Variants in STIM2 observed in about 807,000 individuals in gnomAD.
The protein encoded by STIM2 is stromal interaction molecule 2.
A neutral mutation model predicts 85.8 loss-of-function variants in STIM2; 31 were observed. The observed-to-expected ratio is 0.36, with a 90% CI of 0.27 to 0.49. The LOEUF is 0.49. Among genes scored for constraint, STIM2 ranks in the 20% least tolerant of loss-of-function variants. The pLI, the probability that STIM2 is intolerant of heterozygous loss-of-function variation, is 0.98. For synonymous variants in STIM2, 356 were observed against 331.1 expected (o/e 1.08, Z -0.82); for missense variants, 841 against 927.6 (o/e 0.91, Z 1.21).
At chr4:26,991,215 TGTG>T (rs1727754411) in intron 3 of STIM2, among the ~76,000 whole-genome samples, 1 of 152,050 alleles carries the variant, frequency 6.6e-6, no homozygotes, top group Admixed American at 6.6e-5. Flanking sequence ...ATAAAGAAAA[TGTG>T]GTATGTATAC....
chr4:26,868,479 A>G (rs1722486762), intron 1 of STIM2, among the ~76,000 whole-genome samples: 1 of 152,220 alleles, frequency 6.6e-6, no homozygotes, highest in Non-Finnish European at 1.5e-5. Context: ...TGAAATGAAT[A>G]TCTCATTTAT....
chr4:26,939,432 C>G (rs1725517245), intron 2 of STIM2, among the ~76,000 whole-genome samples: 1 of 152,066 alleles, frequency 6.6e-6, no homozygotes. Context: ...TTTGTACCAC[C>G]CCACTGGCCT....
intron 10 of STIM2, among the ~76,000 whole-genome samples, chr4:27,011,808 G>C (rs1728566808): frequency 6.6e-6 from 1 of 152,076 alleles, no homozygotes; most frequent in South Asian, 2.1e-4. Context: ...TACTGATGTG[G>C]AAGTGTTCTT....
intron 2 of STIM2, among the ~76,000 whole-genome samples, chr4:26,931,311 A>G (rs1242663616): frequency 2.0e-5 from 3 of 152,140 alleles, no homozygotes; most frequent in African/African-American, 7.2e-5. Flanking sequence ...GGTCCAGCCA[A>G]CCATCACGGG....
chr4:26,960,288 G>A (rs1726397451), intron 3 of STIM2, among the ~76,000 whole-genome samples: 1 of 152,064 alleles, frequency 6.6e-6, no homozygotes, highest in Non-Finnish European at 1.5e-5. Context: ...TGTAATTCAA[G>A]GTTGTTTACT....
chr4:26,880,598 T>C (rs1722966286), intron 1 of STIM2, among the ~76,000 whole-genome samples: 1 of 78,188 alleles, frequency 1.3e-5, no homozygotes, highest in Admixed American at 1.3e-4. Flanking sequence ...TGCATAAACC[T>C]TCATATATAT....
At chr4:26,968,708 G>A (rs1413879029) in intron 3 of STIM2, among the ~76,000 whole-genome samples, 6 of 152,090 alleles carry the variant, frequency 3.9e-5, no homozygotes, top group Non-Finnish European at 8.8e-5. Context: ...CCACAATGAA[G>A]GATTTAAGAG....
rs765290221 is a variant in STIM2, at chr4:26,861,138, G to T, written c.-81G>T. ...CGGGGCGCCGCTGCGCTTTCACCCG[G>T]CTTCTCCTCGGCGCCTTCATCCCGC... On this transcript the variant is annotated 5_prime_UTR_variant, in exon 1 of 12. Coordinates refer to ENST00000467087, the MANE Select transcript of STIM2 (RefSeq NM_020860.4). 1 of 1,272,318 alleles carries T rather than the reference G, an allele frequency of 7.9e-7. No homozygotes were observed. Among genetic ancestry groups the T allele is most frequent in the Non-Finnish European group, 9.9e-7 (1 of 1,008,818 alleles). The allele number at this position is 1,272,318 out of a possible 1,614,324, so 78.8% of individuals were successfully genotyped here. A position where few individuals can be genotyped will look rare whatever the true frequency, so the allele number is the denominator to read the frequency against.
intron 1 of STIM2, among the ~76,000 whole-genome samples, chr4:26,888,150 G>T (rs1305331208): frequency 6.6e-6 from 1 of 152,146 alleles, no homozygotes; most frequent in East Asian, 1.9e-4. Flanking sequence ...TTGAATAACT[G>T]GATACTATAG....
intron 1 of STIM2, among the ~76,000 whole-genome samples, chr4:26,869,280 C>T (rs1051044511): frequency 6.9e-5 from 8 of 115,826 alleles, no homozygotes; most frequent in Non-Finnish European, 1.3e-4. Flanking sequence ...GCCTGGACGG[C>T]GGAGTGAGAC....
intron 1 of STIM2, among the ~76,000 whole-genome samples, chr4:26,901,819 A>T (rs1013815206): frequency 5.9e-5 from 9 of 152,264 alleles, no homozygotes; most frequent in Middle Eastern, 6.8e-3. Flanking sequence ...GGTCTTTGTG[A>T]AATTCTTCTT....
At chr4:27,005,026 G>A (rs546727079) in intron 7 of STIM2, among the ~76,000 whole-genome samples, 22 of 152,232 alleles carry the variant, frequency 1.4e-4, no homozygotes, top group African/African-American at 4.6e-4. Context: ...AAGGTTTTGC[G>A]TGTCATATTC....
chr4:26,994,570 C>T (rs1286812046), intron 3 of STIM2, among the ~76,000 whole-genome samples: 2 of 152,066 alleles, frequency 1.3e-5, no homozygotes, highest in African/African-American at 2.4e-5. Flanking sequence ...CATGAACAAT[C>T]TATTCTCCAC....
intron 3 of STIM2, among the ~76,000 whole-genome samples, chr4:26,977,528 A>G (rs1727243700): frequency 6.6e-6 from 1 of 152,116 alleles, no homozygotes; most frequent in Admixed American, 6.6e-5. Flanking sequence ...CTTCGCGTGA[A>G]CTGGTGAGAG....
chr4:26,948,669 A>G (rs1458021184), intron 2 of STIM2, among the ~76,000 whole-genome samples: 1 of 152,200 alleles, frequency 6.6e-6, no homozygotes, highest in African/African-American at 2.4e-5. Context: ...GTTTTCCACT[A>G]AAATTGCTTA....
At chr4:26,936,719 C>A (rs1367131571) in intron 2 of STIM2, among the ~76,000 whole-genome samples, 2 of 152,198 alleles carry the variant, frequency 1.3e-5, no homozygotes, top group African/African-American at 2.4e-5. Context: ...AGTATGAGAT[C>A]TGTGTATGAA....
chr4:26,897,078 C>T (rs1723737500), intron 1 of STIM2, among the ~76,000 whole-genome samples: 1 of 152,138 alleles, frequency 6.6e-6, no homozygotes, highest in Non-Finnish European at 1.5e-5. Flanking sequence ...GGAGGTACCT[C>T]AGTTTGTTTA....
chr4:26,863,406 A>T (rs962767358), intron 1 of STIM2, among the ~76,000 whole-genome samples: 1 of 152,184 alleles, frequency 6.6e-6, no homozygotes, highest in Non-Finnish European at 1.5e-5. Flanking sequence ...TATTTTAATA[A>T]GTTTATGTAA....
At chr4:27,002,421 T>A (rs1207028237) in intron 6 of STIM2, 27 bp downstream of exon 6, 4 of 1,555,008 alleles carry the variant, frequency 2.6e-6, no homozygotes, top group Non-Finnish European at 3.5e-6. Context: ...CATAACTCAT[T>A]TATGTAGGCA....
Sources: gnomAD v4.1 joint callset for allele counts (sites outside exome capture counted in the v4.1 genomes callset) on GRCh38, gnomAD v4.1.1 for gene constraint, MANE v1.5 for transcripts, NCBI Gene and HGNC (gene_info 2026-07-23, HGNC 2026-07-21) for gene names.